CHRNE: variants seen among roughly 807,000 people sequenced by gnomAD.
CHRNE encodes cholinergic receptor nicotinic epsilon subunit.
A neutral mutation model predicts 56.5 loss-of-function variants in CHRNE; 58 were observed. The ratio of observed to expected loss-of-function variants is 1.03; its 90% confidence interval spans 0.83 to 1.28. The LOEUF is 1.28. Ranked by LOEUF, CHRNE falls within the 50% of genes most tolerant of loss-of-function variation. The pLI is 0.00. For missense variants in CHRNE, 793 were observed against 688.9 expected, an observed-to-expected ratio of 1.15 and a Z score of -1.69; for synonymous variants, 385 against 297.9, an observed-to-expected ratio of 1.29 and a Z score of -3.01.
chr17:4,900,661 C>A, intron 8 of CHRNE, 132 bp downstream of exon 8: 1 of 1,426,538 alleles, frequency 7.0e-7, no homozygotes, highest in South Asian at 1.2e-5. Context: ...CATCCCCGTA[C>A]CAGCCCCACC....
chr17:4,901,084 G>C lies in CHRNE; in HGVS notation c.708C>G (p.Ile236Met). ...TGACGTAGAAGAGCGGCTTCCGGCG[G>C]ATGATGAGCGAGTAGATGACGTCAG... ...GETDVIYSLI[I>M]RRKPLFYVIN... Residue 236 changes from isoleucine (I) to methionine (M), a missense_variant, in exon 7 of 12, where the codon ATC (isoleucine) becomes ATG (methionine). Ile to Met is a conservative substitution (Grantham distance 10, BLOSUM62 1). Coordinates refer to ENST00000649488, the MANE Select transcript of CHRNE (RefSeq NM_000080.4). The C allele has an allele frequency of 6.2e-7, 1 of 1,613,834 alleles. No individual in the cohort carries two copies. The highest frequency in any genetic ancestry group is 8.5e-7 in the Non-Finnish European group (1 of 1,179,924).
intron 1 of CHRNE, among the ~76,000 whole-genome samples, chr17:4,908,591 G>A (rs1002861575): frequency 5.3e-5 from 8 of 152,172 alleles, no homozygotes; most frequent in African/African-American, 1.9e-4. Context: ...GTGGAGTCAG[G>A]CACAGGCCTG....
intron 5 of CHRNE, 132 bp from the exon 6 acceptor site, chr17:4,901,757 C>T (rs997273984): frequency 8.3e-5 from 103 of 1,236,270 alleles, no homozygotes; most frequent in African/African-American, 2.8e-4. Flanking sequence ...CCAGCCCGCA[C>T]GCCTCTGTTC....
chr17:4,901,716 C>A lies in CHRNE; in HGVS notation c.501-91G>T, dbSNP rs751795863. The stretch of plus-strand genomic sequence containing the variant: ...CCTGGAAGCTGGGATCTAGCGGGGC[C>A]GCGATCCCAAGCCCACCCCTTCACC... On this transcript the variant is annotated intron_variant, in intron 5 of 11. Coordinates refer to ENST00000649488, the MANE Select transcript of CHRNE (RefSeq NM_000080.4). The A allele has an allele frequency of 3.6e-6, 5 of 1,374,238 alleles. No homozygotes were observed. In the African/African-American group the frequency reaches 7.1e-5, roughly 20 times the overall value. The allele number at this position is 1,374,238 out of a possible 1,614,324, so 85.1% of individuals were successfully genotyped here. A position where few individuals can be genotyped will look rare whatever the true frequency, so the allele number is the denominator to read the frequency against.
intron 8 of CHRNE, chr17:4,900,493 T>G: frequency 6.4e-7 from 1 of 1,550,868 alleles, no homozygotes; most frequent in Non-Finnish European, 8.7e-7. Flanking sequence ...GGCCTCGGAA[T>G]CCCCGGAGAA....
rs770784393 is a variant in CHRNE, at chr17:4,901,915, G to A, written c.500+17C>T. On this transcript the variant is annotated intron_variant, in intron 5 of 11. Transcript: ENST00000649488. Reference sequence around the variant, plus strand: ...CCCCAACAATAATCGTCCGGGCCTCGGAGTAGCTCTTCCCACCGGAAAATA... The same window carrying A: ...CCCCAACAATAATCGTCCGGGCCTCAGAGTAGCTCTTCCCACCGGAAAATA... The A allele has an allele frequency of 7.5e-6, 12 of 1,601,308 alleles. No homozygotes were observed. Among genetic ancestry groups the A allele is most frequent in the Middle Eastern group, 1.7e-4 (1 of 5,774 alleles).
chr17:4,900,577 C>G, intron 8 of CHRNE: 1 of 1,548,180 alleles, frequency 6.5e-7, no homozygotes, highest in Non-Finnish European at 8.7e-7. Context: ...GCCGGACTGT[C>G]CCCCAAGAGA....
At chr17:4,907,935 G>C (rs1970111842), upstream of CHRNE, among the ~76,000 whole-genome samples, 3 of 152,128 alleles carry the variant, frequency 2.0e-5, no homozygotes, top group South Asian at 6.2e-4. Flanking sequence ...CCAGCACTTT[G>C]GGAGGCCGAG....
At chr17:4,904,369 T>C (rs1431709407), upstream of CHRNE, among the ~76,000 whole-genome samples, 1 of 152,060 alleles carries the variant, frequency 6.6e-6, no homozygotes, top group Non-Finnish European at 1.5e-5. Flanking sequence ...GGCCTCAGTG[T>C]TTTTTAAAGC....
At position 4,901,986 on chromosome 17, in the gene CHRNE, G is replaced by A; in HGVS notation, c.446C>T (p.Ala149Val). 2 of 1,613,984 alleles carry A rather than the reference G, an allele frequency of 1.2e-6. No homozygotes were observed. Among genetic ancestry groups the A allele is most frequent in the East Asian group, 2.2e-5 (1 of 44,874 alleles). Residue 149 changes from alanine (A) to valine (V), a missense_variant, in exon 5 of 12, where the codon GCA becomes GTA. Ala to Val is a moderately conservative substitution (Grantham distance 64). Coordinates refer to ENST00000649488, the MANE Select transcript of CHRNE (RefSeq NM_000080.4). ...LPPAIYRSVC[A>V]VEVTYFPFDW... ...GAAGGGGAAGTAGGTGACCTCCACTGCGCAGACGCTGCGGTAGATGGCCGG... is the reference window on the plus strand; with the variant it reads ...GAAGGGGAAGTAGGTGACCTCCACTACGCAGACGCTGCGGTAGATGGCCGG...
At chr17:4,899,834 G>A (rs369152087) in intron 8 of CHRNE, 1 of 1,551,082 alleles carries the variant, frequency 6.4e-7, no homozygotes, top group Non-Finnish European at 8.7e-7. Flanking sequence ...CCGAGGTGAG[G>A]CTACGCCCGC....
In CHRNE at chr17:4,898,700, T is replaced by C. The variant is rs1969812996; in HGVS notation, c.*36A>G. 2.5e-6 allele frequency: 4 copies of C among 1,597,066 alleles called. No individual in the cohort carries two copies. In the African/African-American group the frequency reaches 4.0e-5, roughly 16 times the overall value. ...GCCTACTTTTTCAAAATCAATTTCC[T>C]ACTGGAGATGGGTGGGAAATTGAAG... On this transcript the variant is annotated 3_prime_UTR_variant, in exon 12 of 12. Coordinates refer to ENST00000649488, the MANE Select transcript of CHRNE (RefSeq NM_000080.4).
chr17:4,901,211 C>T, intron 6 of CHRNE, 21 bp from the exon 7 acceptor site: 2 of 1,596,654 alleles, frequency 1.3e-6, no homozygotes, highest in Non-Finnish European at 1.7e-6. Flanking sequence ...GGGGCACGGT[C>T]AGCTGGCTGT....
At position 4,900,910 on chromosome 17, in the gene CHRNE, G is replaced by A. The variant is rs1302610542; in HGVS notation, c.803-3C>T. ...GACCGTGCATTTCTGGCCGCCGGCT[G>A]GAGGGAGAGCCAGTGAGAGCGGGCC... On this transcript the variant is annotated splice_polypyrimidine_tract_variant and splice_region_variant and intron_variant, in intron 7 of 11. Transcript: ENST00000649488. The A allele has an allele frequency of 6.2e-7, 1 of 1,614,148 alleles. No homozygotes were observed. The highest frequency in any genetic ancestry group is 8.5e-7 in the Non-Finnish European group (1 of 1,179,976).
chr17:4,899,838 C>A, intron 8 of CHRNE: 2 of 1,550,990 alleles, frequency 1.3e-6, no homozygotes, highest in Non-Finnish European at 1.7e-6. Flanking sequence ...GGTGAGGCTA[C>A]GCCCGCCAAG....
chr17:4,907,291 C>T (rs1320582873), upstream of CHRNE, among the ~76,000 whole-genome samples: 1 of 151,910 alleles, frequency 6.6e-6, no homozygotes, highest in Non-Finnish European at 1.5e-5. Flanking sequence ...GGGCCGGGCG[C>T]GGGGGCTCAC....
rs2151098969 is a variant in CHRNE at position 4,902,750 on chromosome 17, C to T, written c.60G>A (p.Gly20=). ...LLLGLLGRGV[G]KNEELRLYHH... is the part of the protein sequence containing the mutation. ...GATAAAGACGCAGTTCCTCGTTCTT[C>T]CCCACACCCCTGCCTGCGATGGGGT... is the stretch of plus-strand genomic sequence containing the variant. Residue 20 remains glycine (G), a synonymous_variant, in exon 2 of 12, where the codon GGG becomes GGA. Transcript: ENST00000649488. The surrounding 1 kb of genome is among the most constrained non-coding windows in gnomAD (Gnocchi z 4.0). The T allele has an allele frequency of 6.2e-7, 1 of 1,614,022 alleles. No individual in the cohort carries two copies. Among genetic ancestry groups the T allele is most frequent in the African/African-American group, 1.3e-5 (1 of 74,988 alleles).
In CHRNE at chr17:4,902,679, T is replaced by TC. The variant is rs762368691; in HGVS notation, c.130dup (p.Glu44GlyfsTer3). ...GCTGATGGTGACAGTATCCTCAGGC[T>TC]CCCGCACTGGCCGGCTTCCTGGGTC... is the stretch of plus-strand genomic sequence containing the variant. On this transcript the variant is annotated frameshift_variant, in exon 2 of 12. Transcript: ENST00000649488. LOFTEE classifies it high-confidence loss of function. The surrounding 1 kb of genome is among the most constrained non-coding windows in gnomAD (Gnocchi z 4.0). 72 of 1,613,646 alleles carry TC rather than the reference T, an allele frequency of 4.5e-5. No individual in the cohort carries two copies. In the Admixed American group the frequency reaches 6.0e-4, roughly 13 times the overall value.
Position 4,898,224 on chromosome 17 carries a change from TGGAA to T in CHRNE, c.*508_*511del, listed in dbSNP as rs1230363867. The T allele has an allele frequency of 1.0e-5, 2 of 196,450 alleles. No individual in the cohort carries two copies. Among genetic ancestry groups the T allele is most frequent in the African/African-American group, 4.7e-5 (2 of 42,624 alleles). The allele number at this position is 196,450 out of a possible 1,614,324, so 12.2% of individuals were successfully genotyped here. A position where few individuals can be genotyped will look rare whatever the true frequency, so the allele number is the denominator to read the frequency against. On this transcript the variant is annotated 3_prime_UTR_variant, in exon 12 of 12. Transcript: ENST00000649488. Reference sequence around the variant, plus strand: ...CAAGAAAACCTAGAAGAAATGACTGTGGAAGGGTCAGGGCAGCCTCAGCCTTAAA... The same window carrying T: ...CAAGAAAACCTAGAAGAAATGACTGTGGGTCAGGGCAGCCTCAGCCTTAAA...
Sources: gnomAD v4.1 joint callset for allele counts (sites outside exome capture counted in the v4.1 genomes callset) on GRCh38, gnomAD v4.1.1 for gene constraint, Gnocchi (gnomAD v3.1) non-coding constraint, MANE v1.5 for transcripts, NCBI Gene and HGNC (gene_info 2026-07-23, HGNC 2026-07-21) for gene names.